The following SYNM variants were observed in gnomAD, a reference collection of about 807,000 sequenced individuals.
SYNM encodes the protein synemin.
A neutral mutation model predicts 104.0 loss-of-function variants in SYNM; 95 were observed. The ratio of observed to expected loss-of-function variants is 0.91; its 90% confidence interval spans 0.77 to 1.08. The LOEUF (loss-of-function observed/expected upper bound fraction) is 1.08, where lower values mean the gene tolerates loss of function less well. Among genes scored for constraint, SYNM ranks in the 50% least tolerant of loss-of-function variants. The pLI, the probability that SYNM is intolerant of heterozygous loss-of-function variation, is 0.00. For missense variants in SYNM, 2,150 were observed against 2,052.2 expected (o/e 1.05, Z -0.92); for synonymous variants, 918 against 869.0 (o/e 1.06, Z -0.99).
chr15:99,122,478 G>A (rs142220891), intron 2 of SYNM, among the ~76,000 whole-genome samples: 11 of 152,290 alleles, frequency 7.2e-5, no homozygotes, highest in Non-Finnish European at 1.5e-4. Context: ...TTATAAAAAT[G>A]TGTGAACACT....
chr15:99,120,630 G>A (rs139433840), intron 2 of SYNM, among the ~76,000 whole-genome samples: 1 of 152,214 alleles, frequency 6.6e-6, no homozygotes, highest in Non-Finnish European at 1.5e-5. Context: ...TTCACGTCAA[G>A]GAACATGGGC....
At position 99,129,989 on chromosome 15, in the gene SYNM, A is replaced by C; in HGVS notation, c.1629A>C (p.Thr543=). ...EERNLRWEEL[T]KLDKEARQRE... is the part of the protein sequence containing the mutation. The stretch of plus-strand genomic sequence containing the variant: ...GAAACCTAAGATGGGAAGAATTGAC[A>C]AAGTTAGATAAGGAAGCGAGACAGA... The change falls in exon 4 of 4, where the codon ACA becomes ACC. Residue 543 remains threonine (T), a synonymous_variant. Transcript: ENST00000336292. The C allele has an allele frequency of 1.2e-6, 2 of 1,612,712 alleles. No homozygotes were observed. Among genetic ancestry groups the C allele is most frequent in the Non-Finnish European group, 1.7e-6 (2 of 1,179,264 alleles).
intron 2 of SYNM, among the ~76,000 whole-genome samples, chr15:99,116,629 A>G (rs12904860): frequency 0.43 from 61,078 of 142,166 alleles, 18,375 homozygotes; most frequent in Middle Eastern, 0.6. Context: ...GGCATGTCAC[A>G]TGGCAAGAGA....
At position 99,118,766 on chromosome 15, in the gene SYNM, G is replaced by A. The variant is rs541137192; in HGVS notation, c.935+5051G>A. On this transcript the variant is annotated intron_variant, in intron 2 of 3. Coordinates refer to ENST00000336292, the MANE Select transcript of SYNM (RefSeq NM_145728.3). ...CAAACCTCCAAGAGTCTAAGACTGG[G>A]GTTTTGCCTTTGGCCAGTGCATGGC... 3.9e-5 allele frequency among the ~76,000 whole-genome samples: 6 copies of A among 152,310 alleles called. No homozygotes were observed. The South Asian group carries it at 1.2e-3, about 32-fold the overall frequency.
At chr15:99,113,840 G>T in intron 2 of SYNM, 125 bp downstream of exon 2, 1 of 1,416,652 alleles carries the variant, frequency 7.1e-7, no homozygotes, top group Non-Finnish European at 9.4e-7. Context: ...GCAGAGAGCA[G>T]CCCTTGGCAT....
chr15:99,122,904 A>G (rs564559957), intron 2 of SYNM, among the ~76,000 whole-genome samples: 1 of 152,240 alleles, frequency 6.6e-6, no homozygotes, highest in Non-Finnish European at 1.5e-5. Context: ...TGCTGGTCAA[A>G]TAAATGAGTT....
chr15:99,105,207 C>A lies in SYNM; in HGVS notation c.8C>A (p.Ser3Tyr). Residue 3 changes from serine to tyrosine, a missense_variant, in exon 1 of 4, where the codon TCC becomes TAC. Transcript: ENST00000336292. The part of the protein sequence containing the change: ML[S>Y]WRLQTGPEKA... ...CCCCGCACGCCCGGCAAGATGCTGT[C>A]CTGGCGGCTGCAGACGGGCCCCGAG... 6.4e-7 allele frequency: 1 copy of A among 1,573,818 alleles called. No individual in the cohort carries two copies.
At position 99,129,401 on chromosome 15, in the gene SYNM, A is replaced by G. The variant is rs2067475721; in HGVS notation, c.1041A>G (p.Ser347=). ...ACAAATCCTATCACTATACCGACTCACTACTACAGAGGGAAAATGAAAGGA... is the reference window on the plus strand; with the variant it reads ...ACAAATCCTATCACTATACCGACTCGCTACTACAGAGGGAAAATGAAAGGA... ...FRNKSYHYTD[S]LLQRENERNL... Residue 347 remains serine (S), a synonymous_variant, in exon 4 of 4, where the codon TCA becomes TCG. Transcript: ENST00000336292. 6.2e-7 allele frequency: 1 copy of G among 1,613,988 alleles called. No individual in the cohort carries two copies.
downstream of SYNM, among the ~76,000 whole-genome samples, chr15:99,138,850 C>T (rs1302556868): frequency 5.3e-5 from 8 of 152,226 alleles, no homozygotes; most frequent in African/African-American, 1.4e-4. Flanking sequence ...CTGCTCTCTG[C>T]GGACCAGGCT....
intron 2 of SYNM, among the ~76,000 whole-genome samples, chr15:99,121,518 G>A (rs2067400686): frequency 6.6e-6 from 1 of 152,196 alleles, no homozygotes; most frequent in Non-Finnish European, 1.5e-5. Context: ...CACAGAGTCG[G>A]TAAAGCAGGT....
At chr15:99,107,223 G>A (rs1321403909) in intron 1 of SYNM, among the ~76,000 whole-genome samples, 1 of 152,218 alleles carries the variant, frequency 6.6e-6, no homozygotes, top group Non-Finnish European at 1.5e-5. Context: ...CTTTGCCATA[G>A]CTAGAGCAGG....
chr15:99,131,592 G>T lies in SYNM; in HGVS notation c.3232G>T (p.Gly1078Cys). 6.2e-7 allele frequency: 1 copy of T among 1,609,982 alleles called. No homozygotes were observed. The highest frequency in any genetic ancestry group is 8.5e-7 in the Non-Finnish European group (1 of 1,179,764). ...CACCCGGGAGCTGTACATCCCTTCA[G>T]GCGAGAGCGAGGTTGCTGGTGGGGC... The part of the protein sequence containing the change: ...WATRELYIPS[G>C]ESEVAGGASH... Residue 1078 changes from glycine to cysteine, a missense_variant, in exon 4 of 4, where the codon GGC (glycine) becomes TGC (cysteine). Gly to Cys is a radical substitution (Grantham distance 159, BLOSUM62 -3). Transcript: ENST00000336292. This position sits in a 1 kb window ranked among gnomAD's most constrained non-coding sequence, Gnocchi z 4.3.
rs2067229935 is a variant in SYNM, at chr15:99,105,711, C to G, written c.512C>G (p.Thr171Ser). ...ACCATGCATTTCCGCGCCCGCGCCA[C>G]CGGCCCCGCCGCGCCGCCGCCACGC... ...SLTMHFRARA[T>S]GPAAPPPRLR... The change falls in exon 1 of 4, where the codon ACC becomes AGC. Residue 171 changes from threonine to serine, a missense_variant. Coordinates refer to ENST00000336292, the MANE Select transcript of SYNM (RefSeq NM_145728.3). 3 of 1,493,722 alleles carry G rather than the reference C, an allele frequency of 2.0e-6. No homozygotes were observed. Among genetic ancestry groups the G allele is most frequent in the Non-Finnish European group, 2.7e-6 (3 of 1,126,672 alleles). 92.5% of individuals were successfully genotyped at this position (1,493,722 alleles called of 1,614,324 possible).
At chr15:99,117,798 G>A (rs1450404748) in intron 2 of SYNM, among the ~76,000 whole-genome samples, 1 of 142,624 alleles carries the variant, frequency 7.0e-6, no homozygotes, top group Non-Finnish European at 1.5e-5. Context: ...CACAAGCCAC[G>A]GGCCCAGCTT....
Position 99,113,721 on chromosome 15 carries a change from G to C in SYNM, c.935+6G>C, listed in dbSNP as rs2067321150. 2.5e-6 allele frequency: 4 copies of C among 1,613,346 alleles called. No individual in the cohort carries two copies. Among genetic ancestry groups the C allele is most frequent in the Admixed American group, 3.3e-5 (2 of 59,944 alleles). ...CTGGAGGTGGCGACCTACCGGTAAG[G>C]AGACTGTGCTGAGTTGGCCTTGACG... On this transcript the variant is annotated splice_donor_region_variant and intron_variant, in intron 2 of 3. Transcript: ENST00000336292.
intron 2 of SYNM, among the ~76,000 whole-genome samples, chr15:99,114,901 T>A (rs1239723774): frequency 1.3e-5 from 2 of 152,106 alleles, no homozygotes; most frequent in African/African-American, 2.4e-5. Flanking sequence ...GTGGAAGGAA[T>A]TTTAGAGACC....
rs1555482300 is a variant in SYNM at position 99,105,183 on chromosome 15, C to A, written c.-17C>A. On this transcript the variant is annotated 5_prime_UTR_variant, in exon 1 of 4. Transcript: ENST00000336292. Reference sequence around the variant, plus strand: ...GAGGGAGCCGGCCAGCCGCGAGAACCCCGCACGCCCGGCAAGATGCTGTCC... The same window carrying A: ...GAGGGAGCCGGCCAGCCGCGAGAACACCGCACGCCCGGCAAGATGCTGTCC... The A allele has an allele frequency of 1.3e-6, 2 of 1,568,478 alleles. No individual in the cohort carries two copies. The highest frequency in any genetic ancestry group is 2.3e-5 in the East Asian group (1 of 42,772).
intron 2 of SYNM, among the ~76,000 whole-genome samples, chr15:99,120,984 C>A (rs561437021): frequency 6.6e-6 from 1 of 151,948 alleles, no homozygotes; most frequent in Non-Finnish European, 1.5e-5. Context: ...GGGTCACTGC[C>A]GGATGGAGCA....
Position 99,131,427 on chromosome 15 carries a change from G to A in SYNM, c.3067G>A (p.Glu1023Lys), listed in dbSNP as rs1555485871. 2.5e-6 allele frequency: 4 copies of A among 1,610,244 alleles called. No homozygotes were observed. The highest frequency in any genetic ancestry group is 2.2e-5 in the East Asian group (1 of 44,862). ...AGACCTGGAGGAGCTGAGCAAAGAT[G>A]AGGCCAGTGAGATGGAGAAGGCTGT... ...RLDLEELSKD[E>K]ASEMEKAVES... The change falls in exon 4 of 4, where the codon GAG becomes AAG. Residue 1023 changes from glutamate to lysine, a missense_variant. Transcript: ENST00000336292. The surrounding 1 kb of genome is among the most constrained non-coding windows in gnomAD (Gnocchi z 4.3).
Sources: allele counts gnomAD v4.1 joint callset (sites outside exome capture counted in the v4.1 genomes callset), GRCh38; gene constraint gnomAD v4.1.1; non-coding constraint Gnocchi (gnomAD v3.1); transcripts MANE v1.5; gene names NCBI Gene and HGNC (gene_info 2026-07-23, HGNC 2026-07-21).